Variants in BRD10 observed in about 807,000 individuals in gnomAD.
BRD10 encodes uncharacterized bromodomain-containing protein 10.
the BRD10 span, chr9:5,922,571 G>A: frequency 6.2e-7 from 1 of 1,613,972 alleles, no homozygotes. Flanking sequence ...TATATTTGTT[G>A]TCTGTGGGAA....
the BRD10 span, among the ~76,000 whole-genome samples, chr9:5,987,957 A>G: frequency 6.6e-6 from 1 of 152,198 alleles, no homozygotes; most frequent in South Asian, 2.1e-4. Context: ...CAATGGAGGA[A>G]CAGGCAGAGG....
the BRD10 span, among the ~76,000 whole-genome samples, chr9:5,878,890 G>A: frequency 2.6e-5 from 4 of 152,244 alleles, no homozygotes; most frequent in South Asian, 2.1e-4. Context: ...CAATCTTATC[G>A]GACCAATAAT....
At chr9:5,977,681 A>T in the BRD10 span, among the ~76,000 whole-genome samples, 13 of 152,124 alleles carry the variant, frequency 8.5e-5, no homozygotes, top group East Asian at 1.9e-3. Flanking sequence ...TAAAAATACA[A>T]AAAATTAGCT....
chr9:5,882,451 G>C, the BRD10 span, among the ~76,000 whole-genome samples: 2 of 152,244 alleles, frequency 1.3e-5, no homozygotes, highest in South Asian at 4.2e-4. Context: ...AGAAAACCCT[G>C]ACAAATTGAA....
At chr9:5,981,365 A>T in the BRD10 span, among the ~76,000 whole-genome samples, 1 of 152,152 alleles carries the variant, frequency 6.6e-6, no homozygotes, top group Non-Finnish European at 1.5e-5. Flanking sequence ...TTACAGCCTT[A>T]TTTCTTAAGA....
At chr9:5,900,913 T>C in the BRD10 span, among the ~76,000 whole-genome samples, 1 of 91,202 alleles carries the variant, frequency 1.1e-5, no homozygotes, top group African/African-American at 2.9e-5. Flanking sequence ...TTTACACTCA[T>C]GTGTCAGGGC....
At chr9:6,007,472 C>A in the BRD10 span, 5 of 1,610,786 alleles carry the variant, frequency 3.1e-6, no homozygotes, top group Admixed American at 1.7e-5. Context: ...GCAACGCCCC[C>A]CAAGGGCTGC....
the BRD10 span, chr9:5,909,406 G>A: frequency 1.3e-5 from 2 of 152,334 alleles, no homozygotes; most frequent in Non-Finnish European, 2.9e-5. Context: ...TTACAGGCGT[G>A]CGCCACTATG....
chr9:5,952,967 T>C, the BRD10 span, among the ~76,000 whole-genome samples: 1 of 152,168 alleles, frequency 6.6e-6, no homozygotes, highest in African/African-American at 2.4e-5. Context: ...AAGAATATCA[T>C]TAAAAATATT....
At chr9:5,993,547 G>T in the BRD10 span, among the ~76,000 whole-genome samples, 1 of 152,132 alleles carries the variant, frequency 6.6e-6, no homozygotes, top group Non-Finnish European at 1.5e-5. Flanking sequence ...CCACAGCAGA[G>T]AACTATTTTA....
At chr9:5,922,676 G>C in the BRD10 span, 2 of 1,613,926 alleles carry the variant, frequency 1.2e-6, no homozygotes, top group Non-Finnish European at 1.7e-6. Flanking sequence ...AAAATTCTTA[G>C]GCAGAATAAG....
chr9:5,994,757 C>T, the BRD10 span, among the ~76,000 whole-genome samples: 1 of 152,120 alleles, frequency 6.6e-6, no homozygotes, highest in East Asian at 1.9e-4. Flanking sequence ...TCCTACTGAG[C>T]AGGGTAGAAA....
the BRD10 span, among the ~76,000 whole-genome samples, chr9:5,947,647 T>C: frequency 6.6e-6 from 1 of 152,012 alleles, no homozygotes; most frequent in African/African-American, 2.4e-5. Flanking sequence ...TAGAGTCAAA[T>C]TAACCTTTTA....
the BRD10 span, among the ~76,000 whole-genome samples, chr9:5,959,871 G>T: frequency 6.6e-6 from 1 of 152,140 alleles, no homozygotes; most frequent in African/African-American, 2.4e-5. Context: ...TGCTTAGAAA[G>T]ATCACCCAAA....
chr9:6,005,409 G>A, the BRD10 span, among the ~76,000 whole-genome samples: 1 of 152,196 alleles, frequency 6.6e-6, no homozygotes, highest in Non-Finnish European at 1.5e-5. Context: ...GGACGCTGAG[G>A]CACGAGTATC....
the BRD10 span, among the ~76,000 whole-genome samples, chr9:5,883,752 A>T: frequency 1.3e-5 from 2 of 152,116 alleles, no homozygotes; most frequent in Non-Finnish European, 2.9e-5. Flanking sequence ...GATTACAGGC[A>T]TGAGCCACTG....
chr9:5,963,971 T>A, the BRD10 span, among the ~76,000 whole-genome samples: 1 of 151,930 alleles, frequency 6.6e-6, no homozygotes, highest in East Asian at 1.9e-4. Context: ...AACCTAGGCA[T>A]GACCATTCAG....
At chr9:5,960,487 A>C in the BRD10 span, among the ~76,000 whole-genome samples, 2 of 151,614 alleles carry the variant, frequency 1.3e-5, no homozygotes, top group African/African-American at 4.8e-5. Context: ...GCTTGAACCC[A>C]GGAGGTGGAG....
At chr9:6,008,036 TC>T in the BRD10 span, 96 of 1,136,802 alleles carry the variant, frequency 8.4e-5, no homozygotes, top group East Asian at 1.8e-3. Context: ...TCCTCTCCCC[TC>T]CCCCCCGGCG....
Sources: allele counts gnomAD v4.1 joint callset (sites outside exome capture counted in the v4.1 genomes callset), GRCh38; gene constraint gnomAD v4.1.1; transcripts MANE v1.5; gene names NCBI Gene and HGNC (gene_info 2026-07-23, HGNC 2026-07-21).